RGSL1: variants seen among roughly 807,000 people sequenced by gnomAD.
The protein encoded by RGSL1 is regulator of G protein signaling like 1.
In RGSL1, 97 loss-of-function variants were observed where a neutral mutation model predicts 124.7. That is an observed-to-expected ratio of 0.78 (90% CI 0.66 to 0.92). The LOEUF (loss-of-function observed/expected upper bound fraction) is 0.92, where lower values mean the gene tolerates loss of function less well. Ranked by LOEUF, RGSL1 falls within the 40% of genes least tolerant of loss-of-function variation. The pLI is 0.00. For synonymous variants in RGSL1, 424 were observed against 438.1 expected, an observed-to-expected ratio of 0.97 and a Z score of 0.40; for missense variants, 1,233 against 1,288.4, an observed-to-expected ratio of 0.96 and a Z score of 0.66.
intron 6 of RGSL1, among the ~76,000 whole-genome samples, chr1:182,476,434 C>A (rs2102049566): frequency 6.6e-6 from 1 of 152,258 alleles, no homozygotes; most frequent in African/African-American, 2.4e-5. Flanking sequence ...TTGGCAAACC[C>A]TGTTGGCATT....
intron 11 of RGSL1, among the ~76,000 whole-genome samples, chr1:182,529,399 C>G (rs888013391): frequency 1.3e-5 from 2 of 152,124 alleles, no homozygotes; most frequent in Non-Finnish European, 2.9e-5. Context: ...GAATATCCAC[C>G]ACCCATGAAT....
At chr1:182,474,663 A>G in intron 6 of RGSL1, 121 bp downstream of exon 6, 1 of 1,357,068 alleles carries the variant, frequency 7.4e-7, no homozygotes, top group Non-Finnish European at 9.7e-7. Flanking sequence ...AAACCTTTAC[A>G]TATTGAAGAG....
rs1656168161 is a variant in RGSL1, at chr1:182,499,209, T to C, written c.1825+6080T>C. ...TTAGGTCCATTTGGGTCAAGTGTTG[T>C]GTTCAGGTCTGGAATACCTTTGTTA... On this transcript the variant is annotated intron_variant, in intron 9 of 21. Transcript: ENST00000294854. Among the ~76,000 whole-genome samples, 3 of 152,234 alleles carry C rather than the reference T, an allele frequency of 2.0e-5. No individual in the cohort carries two copies. The South Asian group carries it at 6.2e-4, about 31-fold the overall frequency.
intron 1 of RGSL1, chr1:182,450,523 G>T: frequency 3.0e-6 from 1 of 331,858 alleles, no homozygotes; most frequent in Non-Finnish European, 5.7e-6. Context: ...ATTATGGCGT[G>T]GAATGGGTGC....
At position 182,551,191 on chromosome 1, in the gene RGSL1, T is replaced by C; in HGVS notation, c.3025T>C (p.Tyr1009His). ...RKSPPKSTDK[Y>H]PFSSGGDNAI... ...AAGCCCTCCTAAATCTACGGACAAG[T>C]ATCCTTTCTCGAGTGGAGGTAAGCT... The change falls in exon 18 of 22, where the codon TAT (tyrosine) becomes CAT (histidine). Residue 1009 changes from tyrosine to histidine, a missense_variant. Transcript: ENST00000294854. 1.3e-6 allele frequency: 2 copies of C among 1,551,140 alleles called. No individual in the cohort carries two copies.
At chr1:182,532,023 GGCTTA>G in intron 13 of RGSL1, among the ~76,000 whole-genome samples, 2 of 152,086 alleles carry the variant, frequency 1.3e-5, no homozygotes, top group African/African-American at 2.4e-5. Context: ...TCTAAAGCGA[GGCTTA>G]TGTTGTTTCC....
intron 1 of RGSL1, chr1:182,453,696 A>T (rs1342533791): frequency 2.8e-6 from 1 of 353,140 alleles, no homozygotes; most frequent in Non-Finnish European, 5.2e-6. Flanking sequence ...AGGAAAAAAG[A>T]AATCTACCAC....
intron 9 of RGSL1, among the ~76,000 whole-genome samples, chr1:182,512,862 A>C (rs1278768340): frequency 6.6e-6 from 1 of 152,016 alleles, no homozygotes; most frequent in Non-Finnish European, 1.5e-5. Context: ...CTTCTTTCTG[A>C]CTGTCCCCAG....
intron 13 of RGSL1, 108 bp downstream of exon 13, chr1:182,531,018 A>ACT (rs1659136243): frequency 7.9e-7 from 1 of 1,270,250 alleles, no homozygotes; most frequent in Non-Finnish European, 1.1e-6. Context: ...AGACTCAGAT[A>ACT]AATTACTATA....
In RGSL1 at chr1:182,456,549, C is replaced by T. The variant is rs1234689716; in HGVS notation, c.97-1770C>T. On this transcript the variant is annotated intron_variant, in intron 2 of 21. Coordinates refer to ENST00000294854, the MANE Select transcript of RGSL1 (RefSeq NM_001137669.2). ...CAGACCTCAGATGATCCGCCTGCCTCGGCCTCCCAAAGTGCTGGGATTACA... is the reference window on the plus strand; with the variant it reads ...CAGACCTCAGATGATCCGCCTGCCTTGGCCTCCCAAAGTGCTGGGATTACA... 3.3e-5 allele frequency among the ~76,000 whole-genome samples: 5 copies of T among 152,200 alleles called. No homozygotes were observed. In the South Asian group the frequency reaches 6.2e-4, roughly 19 times the overall value.
chr1:182,450,708 AGCGGTG>A (rs1651741447), intron 1 of RGSL1: 1 of 172,952 alleles, frequency 5.8e-6, no homozygotes, highest in Admixed American at 5.4e-5. Flanking sequence ...CCTTGCCACC[AGCGGTG>A]TGTGTAGCTG....
chr1:182,487,563 T>TA (rs1232812408), intron 6 of RGSL1, among the ~76,000 whole-genome samples: 1 of 152,256 alleles, frequency 6.6e-6, no homozygotes, highest in Non-Finnish European at 1.5e-5. Context: ...ACAGTTAGAT[T>TA]AAACCTCCTT....
At chr1:182,539,983 C>T (rs1420231957) in intron 14 of RGSL1, among the ~76,000 whole-genome samples, 4 of 152,264 alleles carry the variant, frequency 2.6e-5, no homozygotes, top group East Asian at 3.9e-4. Context: ...TAGGGATTAG[C>T]GTAACTGTGG....
chr1:182,516,556 T>C (rs1657911074), intron 9 of RGSL1, among the ~76,000 whole-genome samples: 1 of 152,226 alleles, frequency 6.6e-6, no homozygotes, highest in Non-Finnish European at 1.5e-5. Flanking sequence ...GTGAAGTGAT[T>C]TTCTCTTGTA....
At chr1:182,484,111 G>A (rs917276209) in intron 6 of RGSL1, among the ~76,000 whole-genome samples, 1 of 152,048 alleles carries the variant, frequency 6.6e-6, no homozygotes, top group African/African-American at 2.4e-5. Flanking sequence ...TGGGATACAG[G>A]GAAAGGGATG....
Position 182,454,046 on chromosome 1 carries a change from C to A in RGSL1, c.96+6C>A. 2 of 1,469,696 alleles carry A rather than the reference C, an allele frequency of 1.4e-6. No individual in the cohort carries two copies. Among genetic ancestry groups the A allele is most frequent in the Admixed American group, 2.0e-5 (1 of 50,870 alleles). 91.0% of individuals were successfully genotyped at this position (1,469,696 alleles called of 1,614,324 possible). A position where few individuals can be genotyped will look rare whatever the true frequency, so the allele number is the denominator to read the frequency against. On this transcript the variant is annotated splice_donor_region_variant and intron_variant, in intron 2 of 21. Coordinates refer to ENST00000294854, the MANE Select transcript of RGSL1 (RefSeq NM_001137669.2). ...ACACATTTCTTTCCCTCCCGGTAAG[C>A]ATTCTCAGATTTAAATACAAATATT...
intron 4 of RGSL1, among the ~76,000 whole-genome samples, chr1:182,464,592 C>T (rs1239386229): frequency 5.9e-5 from 9 of 151,598 alleles, no homozygotes; most frequent in South Asian, 2.1e-4. Context: ...GGCATGTTGG[C>T]GGGATCCTGT....
Position 182,474,209 on chromosome 1 carries a change from C to T in RGSL1, c.1098C>T (p.Ser366=), listed in dbSNP as rs1654094602. 1 of 1,552,024 alleles carries T rather than the reference C, an allele frequency of 6.4e-7. No individual in the cohort carries two copies. The change falls in exon 6 of 22, where the codon TCC becomes TCT. Residue 366 remains serine, a synonymous_variant. Transcript: ENST00000294854. Reference sequence around the variant, plus strand: ...AGAAGGCCATCAAGCAAAGCTTCTCCTTAGGATACATCCACTTGGCCTTGT... The same window carrying T: ...AGAAGGCCATCAAGCAAAGCTTCTCTTTAGGATACATCCACTTGGCCTTGT... ...TIQKAIKQSF[S]LGYIHLALCA... is the part of the protein sequence containing the mutation.
At chr1:182,477,789 C>T (rs1299255748) in intron 6 of RGSL1, among the ~76,000 whole-genome samples, 1 of 152,174 alleles carries the variant, frequency 6.6e-6, no homozygotes, top group African/African-American at 2.4e-5. Flanking sequence ...TGCCAGCTAA[C>T]CAGCCCAGAA....
Sources: gnomAD v4.1 joint callset for allele counts (sites outside exome capture counted in the v4.1 genomes callset) on GRCh38, gnomAD v4.1.1 for gene constraint, MANE v1.5 for transcripts, NCBI Gene and HGNC (gene_info 2026-07-23, HGNC 2026-07-21) for gene names.